The following KANK2 variants were observed in gnomAD, a reference collection of about 807,000 sequenced individuals.
The protein encoded by KANK2 is KN motif and ankyrin repeat domains 2, also known as KN motif and ankyrin repeat domain-containing protein 2.
In KANK2, 41 loss-of-function variants were observed where a neutral mutation model predicts 74.6. That is an observed-to-expected ratio of 0.55 (90% CI 0.43 to 0.71). The LOEUF (loss-of-function observed/expected upper bound fraction) is 0.71, where lower values mean the gene tolerates loss of function less well. Ranked by LOEUF, KANK2 falls within the 30% of genes least tolerant of loss-of-function variation. The probability of loss-of-function intolerance (pLI) is 0.00; values close to 1 mark genes in which losing one functional copy is unlikely to be tolerated. For synonymous variants in KANK2, 537 were observed against 519.0 expected, an observed-to-expected ratio of 1.03 and a Z score of -0.47; for missense variants, 1,148 against 1,196.4, an observed-to-expected ratio of 0.96 and a Z score of 0.60.
Position 11,184,719 on chromosome 19 carries a change from GAA to G in KANK2, c.1250-6001_1250-6000del, listed in dbSNP as rs57542972. Among the ~76,000 whole-genome samples, 4 of 140,330 alleles carry G rather than the reference GAA, an allele frequency of 2.9e-5. 1 individual carries two copies. The highest frequency in any genetic ancestry group is 7.3e-5 in the Admixed American group (1 of 13,756). The allele number at this position is 140,330 out of a possible 152,430, so 92.1% of individuals were successfully genotyped here. On this transcript the variant is annotated intron_variant, in intron 4 of 12. Coordinates refer to ENST00000586659, the MANE Select transcript of KANK2 (RefSeq NM_001136191.3). ...CAAGACTCTACTTTTTTTTTAATGTGAAAAAAAAAAATCAATAAATAAACTAG... is the reference window on the plus strand; with the variant it reads ...CAAGACTCTACTTTTTTTTTAATGTGAAAAAAAAATCAATAAATAAACTAG...
chr19:11,192,757 C>T, intron 4 of KANK2, 74 bp downstream of exon 4: 1 of 1,564,948 alleles, frequency 6.4e-7, no homozygotes, highest in Non-Finnish European at 8.7e-7. Flanking sequence ...TTCTGAGAGT[C>T]CAGGATGAGC....
At chr19:11,191,328 T>A (rs556234506) in intron 4 of KANK2, among the ~76,000 whole-genome samples, 9 of 152,176 alleles carry the variant, frequency 5.9e-5, no homozygotes, top group Non-Finnish European at 1.2e-4. Context: ...CGTGAGCCAC[T>A]GCGCCCGGCC....
At chr19:11,169,027 C>T (rs535381802) in intron 12 of KANK2, among the ~76,000 whole-genome samples, 2 of 152,114 alleles carry the variant, frequency 1.3e-5, no homozygotes, top group South Asian at 4.2e-4. Flanking sequence ...CATAGTGAGA[C>T]CCAGTCTCTA....
At chr19:11,173,639 T>C (rs2078242831) in intron 9 of KANK2, among the ~76,000 whole-genome samples, 1 of 152,206 alleles carries the variant, frequency 6.6e-6, no homozygotes, top group South Asian at 2.1e-4. Flanking sequence ...TTCCCTAACA[T>C]CACTTCTGCC....
chr19:11,185,741 C>G (rs553843377), intron 4 of KANK2, among the ~76,000 whole-genome samples: 1 of 134,296 alleles, frequency 7.4e-6, no homozygotes, highest in African/African-American at 2.7e-5. Context: ...CAGAGCTATG[C>G]CAATGAAAAC....
At position 11,193,252 on chromosome 19, in the gene KANK2, C is replaced by T. The variant is rs2078909509; in HGVS notation, c.828G>A (p.Leu276=). 3 of 1,610,372 alleles carry T rather than the reference C, an allele frequency of 1.9e-6. No individual in the cohort carries two copies. Among genetic ancestry groups the T allele is most frequent in the Non-Finnish European group, 1.7e-6 (2 of 1,179,790 alleles). The change falls in exon 4 of 13, where the codon TTG becomes TTA. Residue 276 remains leucine, a synonymous_variant. Coordinates refer to ENST00000586659, the MANE Select transcript of KANK2 (RefSeq NM_001136191.3). This position sits in a 1 kb window ranked among gnomAD's most constrained non-coding sequence, Gnocchi z 9.6. ...SVGTWVRERD[L]GMPDGEAALA... ...GGGCAGCCTCCCCATCAGGCATGCC[C>T]AAGTCCCGTTCTCGAACCCAGGTGC... is the stretch of plus-strand genomic sequence containing the variant.
Position 11,190,000 on chromosome 19 carries a change from T to A in KANK2, c.1249+2831A>T, listed in dbSNP as rs377539154. On this transcript the variant is annotated intron_variant, in intron 4 of 12. Transcript: ENST00000586659. The stretch of plus-strand genomic sequence containing the variant: ...CGGCGAGAAAACACAGCTGGGTCCC[T>A]GCCCTCCAGCCTGTGCCCTCCAGTC... Among the ~76,000 whole-genome samples, 11 of 152,292 alleles carry A rather than the reference T, an allele frequency of 7.2e-5. 1 individual carries two copies. The East Asian group carries it at 1.2e-3, about 16-fold the overall frequency.
At chr19:11,182,012 G>A (rs1274535617) in intron 4 of KANK2, among the ~76,000 whole-genome samples, 6 of 149,904 alleles carry the variant, frequency 4.0e-5, no homozygotes, top group Middle Eastern at 3.5e-3. Context: ...CTGCCTCCTG[G>A]GTTCAAGCGA....
rs1367713752 is a variant in KANK2 at position 11,176,733 on chromosome 19, C to T, written c.1605G>A (p.Arg535=). The change falls in exon 7 of 13, where the codon AGG becomes AGA. Residue 535 remains arginine (R), a synonymous_variant. Coordinates refer to ENST00000586659, the MANE Select transcript of KANK2 (RefSeq NM_001136191.3). ...DSTENEAPEP[R]ERVPSVAEAP... is the part of the protein sequence containing the mutation. The stretch of plus-strand genomic sequence containing the variant: ...CTTCGGCCACACTCGGAACCCTCTC[C>T]CTCGGCTCTGGGGCCTCGTTCTCTG... The T allele has an allele frequency of 6.2e-7, 1 of 1,610,298 alleles. No homozygotes were observed. The highest frequency in any genetic ancestry group is 8.5e-7 in the Non-Finnish European group (1 of 1,177,816).
Position 11,169,631 on chromosome 19 carries a change from T to A in KANK2, c.2502+246A>T, listed in dbSNP as rs1051920184. 129 of 580,448 alleles carry A rather than the reference T, an allele frequency of 2.2e-4. No homozygotes were observed. In the East Asian group the frequency reaches 3.6e-3, roughly 16 times the overall value. 36.0% of individuals were successfully genotyped at this position (580,448 alleles called of 1,614,324 possible). On this transcript the variant is annotated intron_variant, in intron 12 of 12. Transcript: ENST00000586659. ...GCCTGACCATCATGGTGAAACCCCGTCTCTACTAAAAATACAAAAATTAGC... is the reference window on the plus strand; with the variant it reads ...GCCTGACCATCATGGTGAAACCCCGACTCTACTAAAAATACAAAAATTAGC...
rs1225946122 is a variant in KANK2 at position 11,193,967 on chromosome 19, T to C, written c.113A>G (p.Tyr38Cys). 4 of 1,613,740 alleles carry C rather than the reference T, an allele frequency of 2.5e-6. No homozygotes were observed. Among genetic ancestry groups the C allele is most frequent in the African/African-American group, 1.3e-5 (1 of 74,850 alleles). The part of the protein sequence containing the change: ...PDPPYSVETP[Y>C]GYRLDLDFLK... ...GAAGTCCAGGTCCAGGCGGTAGCCA[T>C]AGGGGGTCTCCACGGAGTAGGGTGG... Residue 38 changes from tyrosine to cysteine, a missense_variant, in exon 4 of 13, where the codon TAT becomes TGT. Physicochemically the swap from Tyr to Cys is radical, Grantham distance 194. Transcript: ENST00000586659. The surrounding 1 kb of genome is among the most constrained non-coding windows in gnomAD (Gnocchi z 9.6).
intron 6 of KANK2, among the ~76,000 whole-genome samples, chr19:11,177,964 C>T (rs528748875): frequency 6.6e-6 from 1 of 152,184 alleles, no homozygotes; most frequent in Non-Finnish European, 1.5e-5. Flanking sequence ...CCACCTGTGT[C>T]TTTCTTGAGG....
intron 7 of KANK2, 127 bp from the exon 8 acceptor site, chr19:11,176,116 C>T: frequency 3.0e-6 from 2 of 658,884 alleles, no homozygotes; most frequent in Non-Finnish European, 5.3e-6. Flanking sequence ...GACCCTCCTT[C>T]ACCCGGGACA....
chr19:11,170,301 A>AC lies in KANK2; in HGVS notation c.2212-54dup, dbSNP rs982123655. 10 of 1,493,120 alleles carry AC rather than the reference A, an allele frequency of 6.7e-6. No homozygotes were observed. The East Asian group carries it at 1.6e-4, about 24-fold the overall frequency. 92.5% of individuals were successfully genotyped at this position (1,493,120 alleles called of 1,614,324 possible). On this transcript the variant is annotated intron_variant, in intron 10 of 12. Transcript: ENST00000586659. The surrounding 1 kb of genome is among the most constrained non-coding windows in gnomAD (Gnocchi z 5.2). ...GTTCATGCAGGCCCCAGGGCAGGAC[A>AC]CCCCCTGGTCTAGAACCTGCTGTAG...
At chr19:11,168,497 G>A (rs1322783809) in intron 12 of KANK2, among the ~76,000 whole-genome samples, 3 of 151,854 alleles carry the variant, frequency 2.0e-5, no homozygotes, top group East Asian at 1.9e-4. Context: ...GGCTGGTCTC[G>A]AACTCTTGGG....
At chr19:11,197,046 A>AGCCCGGCCGGAC (rs1049983435) in intron 1 of KANK2, 8 of 152,408 alleles carry the variant, frequency 5.2e-5, no homozygotes, top group Non-Finnish European at 7.3e-5. Context: ...GCCCAGGCCC[A>AGCCCGGCCGGAC]GCCCGGCCGG....
chr19:11,170,492 AG>A lies in KANK2; in HGVS notation c.2212-245del. 1.8e-6 allele frequency: 1 copy of A among 570,682 alleles called. No homozygotes were observed. The highest frequency in any genetic ancestry group is 3.1e-6 in the Non-Finnish European group (1 of 318,186). The allele number at this position is 570,682 out of a possible 1,614,324, so 35.4% of individuals were successfully genotyped here. ...CGGGGGCGGAGGAAATGATGGATAC[AG>A]GTTTCCTTTGGGGGTGAAGAGAACG... On this transcript the variant is annotated intron_variant, in intron 10 of 12. Transcript: ENST00000586659. The surrounding 1 kb of genome is among the most constrained non-coding windows in gnomAD (Gnocchi z 5.2).
chr19:11,184,719 GA>G (rs57542972), intron 4 of KANK2, among the ~76,000 whole-genome samples: 42,642 of 140,212 alleles, frequency 0.3, 7,964 homozygotes, highest in South Asian at 0.46. Flanking sequence ...TTTTTAATGT[GA>G]AAAAAAAAAA....
chr19:11,193,367 T>A lies in KANK2; in HGVS notation c.713A>T (p.His238Leu), dbSNP rs1470041532. The change falls in exon 4 of 13, where the codon CAC becomes CTC. Residue 238 changes from histidine (H) to leucine (L), a missense_variant. His to Leu is a moderately conservative substitution (Grantham distance 99). Transcript: ENST00000586659. This position sits in a 1 kb window ranked among gnomAD's most constrained non-coding sequence, Gnocchi z 9.6. Reference sequence around the variant, plus strand: ...GCTGCGACCCCGGCCCGCTGTGGGGTGGCCCAGGAACTTCTGGCTCTTAAG... The same window carrying A: ...GCTGCGACCCCGGCCCGCTGTGGGGAGGCCCAGGAACTTCTGGCTCTTAAG... The part of the protein sequence containing the change: ...VQLKSQKFLG[H>L]PTAGRGRSEL... The A allele has an allele frequency of 3.1e-6, 5 of 1,612,836 alleles. No individual in the cohort carries two copies. Among genetic ancestry groups the A allele is most frequent in the Non-Finnish European group, 4.2e-6 (5 of 1,179,948 alleles).
Sources: allele counts gnomAD v4.1 joint callset (sites outside exome capture counted in the v4.1 genomes callset), GRCh38; gene constraint gnomAD v4.1.1; non-coding constraint Gnocchi (gnomAD v3.1); transcripts MANE v1.5; gene names NCBI Gene and HGNC (gene_info 2026-07-23, HGNC 2026-07-21).